TMEM120B: variants seen among roughly 807,000 people sequenced by gnomAD.
TMEM120B encodes transmembrane protein 120B.
In TMEM120B, 31 loss-of-function variants were observed where a neutral mutation model predicts 55.5. That is an observed-to-expected ratio of 0.56 (90% CI 0.42 to 0.75). The LOEUF (loss-of-function observed/expected upper bound fraction) is 0.75, where lower values mean the gene tolerates loss of function less well. Ranked by LOEUF, TMEM120B falls within the 30% of genes least tolerant of loss-of-function variation. The probability of loss-of-function intolerance (pLI) is 0.00; values close to 1 mark genes in which losing one functional copy is unlikely to be tolerated. For missense variants in TMEM120B, 399 were observed against 425.5 expected (o/e 0.94, Z 0.55); for synonymous variants, 203 against 176.3 (o/e 1.15, Z -1.20).
intron 6 of TMEM120B, among the ~76,000 whole-genome samples, chr12:121,767,200 G>A (rs939078980): frequency 6.6e-5 from 10 of 152,156 alleles, no homozygotes; most frequent in Admixed American, 6.5e-5. Context: ...TCGCTCTGTC[G>A]CCCAGGCTGG....
intron 6 of TMEM120B, among the ~76,000 whole-genome samples, chr12:121,766,370 T>C (rs1346893536): frequency 1.3e-5 from 2 of 152,224 alleles, no homozygotes; most frequent in African/African-American, 2.4e-5. Flanking sequence ...AGGGGTCTTA[T>C]GGGCCCATGT....
rs1335590929 is a variant in TMEM120B, at chr12:121,712,910, G to A, written c.15G>A (p.Leu5=). Residue 5 remains leucine (L), a synonymous_variant, in exon 1 of 12, where the codon CTG becomes CTA. Coordinates refer to ENST00000449592, the MANE Select transcript of TMEM120B (RefSeq NM_001080825.2). The stretch of plus-strand genomic sequence containing the variant: ...ACCATCGCATCATGTCCGGGCAGCT[G>A]GAGCGTTGCGAGCGCGAATGGCACG... MSGQ[L]ERCEREWHEL... 1 of 1,533,358 alleles carries A rather than the reference G, an allele frequency of 6.5e-7. No individual in the cohort carries two copies. Among genetic ancestry groups the A allele is most frequent in the Non-Finnish European group, 8.7e-7 (1 of 1,147,306 alleles). The allele number at this position is 1,533,358 out of a possible 1,614,324, so 95.0% of individuals were successfully genotyped here.
chr12:121,746,665 G>A (rs1256575947), intron 2 of TMEM120B, among the ~76,000 whole-genome samples: 3 of 152,098 alleles, frequency 2.0e-5, no homozygotes, highest in Non-Finnish European at 4.4e-5. Context: ...TTAGAAAAAT[G>A]AGAAGAAGGC....
chr12:121,754,049 C>T (rs957741764), intron 5 of TMEM120B, among the ~76,000 whole-genome samples: 3 of 152,218 alleles, frequency 2.0e-5, no homozygotes, highest in Non-Finnish European at 2.9e-5. Context: ...CGGTCAAGTA[C>T]GGTTTGGGCA....
intron 1 of TMEM120B, among the ~76,000 whole-genome samples, chr12:121,716,315 A>AG (rs1307532444): frequency 6.6e-6 from 1 of 151,656 alleles, no homozygotes; most frequent in East Asian, 1.9e-4. Flanking sequence ...CTCTCAAAAA[A>AG]AAAAAAAAAG....
intron 1 of TMEM120B, among the ~76,000 whole-genome samples, chr12:121,726,501 C>T (rs1040730542): frequency 4.0e-5 from 6 of 150,994 alleles, no homozygotes; most frequent in African/African-American, 1.5e-4. Context: ...AAGGCATGAA[C>T]CTGGGAGGCG....
intron 1 of TMEM120B, among the ~76,000 whole-genome samples, chr12:121,720,561 A>C (rs1894773953): frequency 6.6e-6 from 1 of 152,056 alleles, no homozygotes. Context: ...AAATACAAAA[A>C]TTAGCCAGGC....
chr12:121,758,066 C>G (rs1873535832), intron 5 of TMEM120B: 18 of 650,044 alleles, frequency 2.8e-5, no homozygotes, highest in Non-Finnish European at 3.2e-5. Context: ...CTACAGTGGG[C>G]CATGATCACG....
rs768375713 is a variant in TMEM120B, at chr12:121,761,707, C to A, written c.520C>A (p.Arg174=). 6.2e-7 allele frequency: 1 copy of A among 1,613,886 alleles called. No individual in the cohort carries two copies. The highest frequency in any genetic ancestry group is 1.1e-5 in the South Asian group (1 of 91,072). ...LVWYYCTLTI[R]ESILISNGSR... The stretch of plus-strand genomic sequence containing the variant: ...GTGGTATTACTGCACCCTGACCATT[C>A]GGGAGAGCATTCTCATCAGCAACGG... The change falls in exon 6 of 12, where the codon CGG becomes AGG. Residue 174 remains arginine (R), a synonymous_variant. Transcript: ENST00000449592.
At chr12:121,743,291 C>T (rs1031702494) in intron 1 of TMEM120B, among the ~76,000 whole-genome samples, 4 of 151,926 alleles carry the variant, frequency 2.6e-5, no homozygotes, top group African/African-American at 9.7e-5. Flanking sequence ...TGAGTCACGC[C>T]TGTAATCCCA....
At chr12:121,740,838 T>C (rs902587051) in intron 1 of TMEM120B, among the ~76,000 whole-genome samples, 1 of 152,192 alleles carries the variant, frequency 6.6e-6, no homozygotes, top group African/African-American at 2.4e-5. Context: ...TGCCTGCAAC[T>C]GACTCCCAAA....
At chr12:121,755,464 A>T (rs1349176391) in intron 5 of TMEM120B, among the ~76,000 whole-genome samples, 1 of 152,202 alleles carries the variant, frequency 6.6e-6, no homozygotes, top group Non-Finnish European at 1.5e-5. Context: ...CCTGGTTAGG[A>T]CTGTCCTCTA....
intron 7 of TMEM120B, among the ~76,000 whole-genome samples, 153 bp from the exon 8 acceptor site, chr12:121,771,335 C>T (rs28580236): frequency 0.019 from 2,875 of 152,154 alleles, 109 homozygotes; most frequent in African/African-American, 0.065. Context: ...GGGATGACCT[C>T]GCCCAGCCCC....
chr12:121,779,527 T>G lies in TMEM120B; in HGVS notation c.*3805T>G, dbSNP rs762479943. ...AGCAGCAGGCAGAGCCGGCGCTTCT[T>G]CTGCCGTTGCGCCTTCTTCAGAGCG... On this transcript the variant is annotated 3_prime_UTR_variant, in exon 12 of 12. Coordinates refer to ENST00000449592, the MANE Select transcript of TMEM120B (RefSeq NM_001080825.2). 6.2e-7 allele frequency: 1 copy of G among 1,613,360 alleles called. No homozygotes were observed. Among genetic ancestry groups the G allele is most frequent in the South Asian group, 1.1e-5 (1 of 91,092 alleles).
rs1013509748 is a variant in TMEM120B, at chr12:121,739,882, G to A, written c.70-3747G>A. On this transcript the variant is annotated intron_variant, in intron 1 of 11. Transcript: ENST00000449592. Reference sequence around the variant, plus strand: ...CAATCTCCCCCTCCCGGGTTGAAGCGATTCTCCTGCCTCAGCCTCCTGAGT... The same window carrying A: ...CAATCTCCCCCTCCCGGGTTGAAGCAATTCTCCTGCCTCAGCCTCCTGAGT... Among the ~76,000 whole-genome samples, 36 of 144,520 alleles carry A rather than the reference G, an allele frequency of 2.5e-4. 1 individual carries two copies. Among genetic ancestry groups the A allele is most frequent in the Admixed American group, 1.4e-4 (2 of 13,956 alleles). The allele number at this position is 144,520 out of a possible 152,430, so 94.8% of individuals were successfully genotyped here. A position where few individuals can be genotyped will look rare whatever the true frequency, so the allele number is the denominator to read the frequency against.
At chr12:121,760,129 CAAAAAAAAAAAAAAA>C (rs1006164597) in intron 5 of TMEM120B, among the ~76,000 whole-genome samples, 1 of 47,434 alleles carries the variant, frequency 2.1e-5, no homozygotes, top group Non-Finnish European at 4.4e-5. Context: ...AACTACGTCT[CAAAAAAAAAAAAAAA>C]AAAAAAAAAT....
At chr12:121,760,935 A>G (rs903845871) in intron 5 of TMEM120B, among the ~76,000 whole-genome samples, 2 of 152,154 alleles carry the variant, frequency 1.3e-5, no homozygotes, top group African/African-American at 4.8e-5. Context: ...GGGAGTTTAT[A>G]TCTTAACACT....
At chr12:121,748,536 A>C (rs1873175789) in intron 3 of TMEM120B, 94 bp downstream of exon 3, 2 of 815,718 alleles carry the variant, frequency 2.5e-6, no homozygotes, top group African/African-American at 1.7e-5. Context: ...GCTGGTGCTC[A>C]GATTGAAGGG....
intron 1 of TMEM120B, among the ~76,000 whole-genome samples, chr12:121,740,660 T>C (rs898484624): frequency 6.6e-6 from 1 of 152,032 alleles, no homozygotes; most frequent in African/African-American, 2.4e-5. Context: ...GGTCTTGCTG[T>C]CTCGGGGTGG....
Sources: allele counts gnomAD v4.1 joint callset (sites outside exome capture counted in the v4.1 genomes callset), GRCh38; gene constraint gnomAD v4.1.1; transcripts MANE v1.5; gene names NCBI Gene and HGNC (gene_info 2026-07-23, HGNC 2026-07-21).